SVOPL: variants seen among roughly 807,000 people sequenced by gnomAD.
SVOPL encodes putative transporter SVOPL.
Under a neutral mutation model 61.0 loss-of-function variants are expected in SVOPL, and 60 were observed. The observed-to-expected ratio is 0.98, with a 90% CI of 0.80 to 1.22. SVOPL has a LOEUF of 1.22. Among genes scored for constraint, SVOPL ranks in the 50% most tolerant of loss-of-function variants. The probability of loss-of-function intolerance (pLI) is 0.00; values close to 1 mark genes in which losing one functional copy is unlikely to be tolerated. For missense variants in SVOPL, 662 were observed against 643.9 expected (o/e 1.03, Z -0.30); for synonymous variants, 279 against 250.0 (o/e 1.12, Z -1.09).
At chr7:138,657,805 C>T (rs1323439174) in intron 6 of SVOPL, among the ~76,000 whole-genome samples, 7 of 152,016 alleles carry the variant, frequency 4.6e-5, no homozygotes, top group African/African-American at 1.5e-4. Context: ...TTGACATCTC[C>T]TAACATATTT....
At chr7:138,612,447 T>TAAAAAAAAA (rs59229265) in intron 14 of SVOPL, among the ~76,000 whole-genome samples, 10 of 22,288 alleles carry the variant, frequency 4.5e-4, no homozygotes, top group Non-Finnish European at 6.4e-4. Context: ...AAAAAAAAAA[T>TAAAAAAAAA]AAAAAAAAAA....
At chr7:138,679,144 C>T in intron 1 of SVOPL, 65 bp from the exon 2 acceptor site, 2 of 1,131,340 alleles carry the variant, frequency 1.8e-6, no homozygotes, top group Admixed American at 2.4e-5. Flanking sequence ...TAGTATATGC[C>T]AGGCACACTA....
chr7:138,676,149 G>A (rs971290149), intron 3 of SVOPL, among the ~76,000 whole-genome samples: 9 of 151,912 alleles, frequency 5.9e-5, no homozygotes, highest in South Asian at 2.1e-4. Context: ...AGTTCTTAAC[G>A]TATTTTCACC....
chr7:138,608,351 G>A (rs1355576405), intron 14 of SVOPL, among the ~76,000 whole-genome samples: 1 of 152,210 alleles, frequency 6.6e-6, no homozygotes, highest in Non-Finnish European at 1.5e-5. Flanking sequence ...AAAAGAACAT[G>A]TCAGTGACAA....
intron 5 of SVOPL, chr7:138,660,721 A>G (rs1801964709): frequency 1.0e-6 from 1 of 985,266 alleles, no homozygotes; most frequent in African/African-American, 1.7e-5. Context: ...TCAGGTTAGC[A>G]GAATATTTTC....
chr7:138,629,384 C>A (rs1437593701), intron 10 of SVOPL, among the ~76,000 whole-genome samples: 1 of 151,960 alleles, frequency 6.6e-6, no homozygotes, highest in Non-Finnish European at 1.5e-5. Flanking sequence ...GCACCCACCA[C>A]CATGCCCAGC....
intron 1 of SVOPL, among the ~76,000 whole-genome samples, chr7:138,690,577 T>C (rs1341727677): frequency 1.3e-5 from 2 of 152,138 alleles, no homozygotes; most frequent in Non-Finnish European, 2.9e-5. Context: ...ATATGAAATA[T>C]CCATTTATGT....
intron 1 of SVOPL, among the ~76,000 whole-genome samples, chr7:138,699,823 G>A (rs1057142576): frequency 3.9e-5 from 6 of 152,192 alleles, no homozygotes; most frequent in East Asian, 1.9e-4. Context: ...TTCAGTGCCC[G>A]TCACTTGTAA....
At chr7:138,695,201 A>G (rs915310462) in intron 1 of SVOPL, among the ~76,000 whole-genome samples, 1 of 152,240 alleles carries the variant, frequency 6.6e-6, no homozygotes, top group Non-Finnish European at 1.5e-5. Context: ...AAGAACTTGC[A>G]GCCTACTGTG....
chr7:138,613,380 G>C (rs187906385), intron 14 of SVOPL, among the ~76,000 whole-genome samples: 15 of 152,104 alleles, frequency 9.9e-5, no homozygotes. Context: ...AACCCTTAAA[G>C]TTTTCCCCAC....
At position 138,611,248 on chromosome 7, in the gene SVOPL, T is replaced by G. The variant is rs577804021; in HGVS notation, c.1353+9798A>C. Reference sequence around the variant, plus strand: ...AAAAAATTAGTGGGGCATGGTGGTGTGCGCCTGTAGTCCTAGCTACTCGGG... The same window carrying G: ...AAAAAATTAGTGGGGCATGGTGGTGGGCGCCTGTAGTCCTAGCTACTCGGG... On this transcript the variant is annotated intron_variant, in intron 14 of 15. Coordinates refer to ENST00000674285, the MANE Select transcript of SVOPL (RefSeq NM_001139456.2). 2.6e-5 allele frequency among the ~76,000 whole-genome samples: 4 copies of G among 152,212 alleles called. 2 individuals carry two copies. Among genetic ancestry groups the G allele is most frequent in the South Asian group, 4.1e-4 (2 of 4,820 alleles).
intron 13 of SVOPL, among the ~76,000 whole-genome samples, chr7:138,623,896 C>T (rs193278305): frequency 2.3e-4 from 35 of 152,118 alleles, no homozygotes; most frequent in South Asian, 4.2e-4. Flanking sequence ...TTCGACTCAC[C>T]GCAACCTTTG....
chr7:138,615,560 C>CAAAAAAAAAAA (rs770404185), intron 14 of SVOPL, among the ~76,000 whole-genome samples: 59 of 5,542 alleles, frequency 0.011, 11 homozygotes, highest in African/African-American at 0.019. Flanking sequence ...ACTCCGTCTC[C>CAAAAAAAAAAA]AAAAAAAAAA....
intron 14 of SVOPL, among the ~76,000 whole-genome samples, chr7:138,598,659 G>A (rs539874444): frequency 4.1e-4 from 63 of 152,148 alleles, no homozygotes; most frequent in African/African-American, 1.4e-3. Flanking sequence ...ACAGGTAACA[G>A]CAAAATATCC....
chr7:138,627,382 T>C lies in SVOPL; in HGVS notation c.1149A>G (p.Leu383=), dbSNP rs368404971. 3.1e-6 allele frequency: 5 copies of C among 1,613,552 alleles called. No homozygotes were observed. The highest frequency in any genetic ancestry group is 3.4e-6 in the Non-Finnish European group (4 of 1,179,614). Reference sequence around the variant, plus strand: ...TGCAAATGTTGAGGAGAAGGAAGAATAAAGCCGTGCATCCCATGGTAATAG... The same window carrying C: ...TGCAAATGTTGAGGAGAAGGAAGAACAAAGCCGTGCATCCCATGGTAATAG... ...SLSITMGCTA[L]FFLLLNICTS... Residue 383 remains leucine, a synonymous_variant, in exon 12 of 16, where the codon TTA becomes TTG. Transcript: ENST00000674285.
At chr7:138,687,660 AC>A (rs1340023979) in intron 1 of SVOPL, among the ~76,000 whole-genome samples, 5 of 150,710 alleles carry the variant, frequency 3.3e-5, no homozygotes, top group Non-Finnish European at 7.4e-5. Flanking sequence ...AAAATTTAAA[AC>A]TTTTGTGCAT....
At chr7:138,618,654 G>A (rs576329503) in intron 14 of SVOPL, among the ~76,000 whole-genome samples, 1 of 150,714 alleles carries the variant, frequency 6.6e-6, no homozygotes, top group East Asian at 1.9e-4. Context: ...GAGCGAGACA[G>A]AGAGAGAGAG....
intron 7 of SVOPL, among the ~76,000 whole-genome samples, chr7:138,654,868 CTTTT>C (rs34598728): frequency 3.1e-4 from 42 of 135,272 alleles, no homozygotes; most frequent in African/African-American, 1.1e-3. Context: ...GTTTCACTTC[CTTTT>C]TTTTTTTTTT....
At chr7:138,628,422 G>A in intron 10 of SVOPL, 59 bp from the exon 11 acceptor site, 3 of 1,556,646 alleles carry the variant, frequency 1.9e-6, no homozygotes, top group Non-Finnish European at 1.8e-6. Flanking sequence ...AAGGATGAGT[G>A]GGGAGGGGAT....
Sources: gnomAD v4.1 joint callset for allele counts (sites outside exome capture counted in the v4.1 genomes callset) on GRCh38, gnomAD v4.1.1 for gene constraint, MANE v1.5 for transcripts, NCBI Gene and HGNC (gene_info 2026-07-23, HGNC 2026-07-21) for gene names.